Variants in IL23R observed in about 807,000 individuals in gnomAD.
IL23R encodes interleukin 23 receptor.
IL23R carries 34 observed loss-of-function variants against 56.9 expected under a neutral mutation model. That is an observed-to-expected ratio of 0.60 (90% CI 0.45 to 0.80). IL23R has a LOEUF of 0.80. Ranked by LOEUF, IL23R falls within the 30% of genes least tolerant of loss-of-function variation. IL23R has a pLI of 0.00. For missense variants in IL23R, 635 were observed against 730.0 expected (o/e 0.87, Z 1.50); for synonymous variants, 230 against 249.2 (o/e 0.92, Z 0.73).
At chr1:67,191,143 TC>T (rs1302574992) in intron 4 of IL23R, among the ~76,000 whole-genome samples, 1 of 152,138 alleles carries the variant, frequency 6.6e-6, no homozygotes, top group Non-Finnish European at 1.5e-5. Flanking sequence ...CACACAGTAA[TC>T]CTACTACATT....
intron 6 of IL23R, among the ~76,000 whole-genome samples, chr1:67,218,354 G>GTA (rs776016660): frequency 2.4e-4 from 31 of 128,518 alleles, no homozygotes; most frequent in African/African-American, 8.3e-4. Flanking sequence ...GTGTGTGTGT[G>GTA]TGTGTATATA....
intron 9 of IL23R, among the ~76,000 whole-genome samples, chr1:67,253,561 C>A (rs1290364477): frequency 6.6e-6 from 1 of 152,128 alleles, no homozygotes; most frequent in Non-Finnish European, 1.5e-5. Flanking sequence ...ATTATAAAGT[C>A]TACTAATGAT....
At position 67,255,941 on chromosome 1, in the gene IL23R, A is replaced by G; in HGVS notation, c.1239+14A>G. 1.3e-6 allele frequency: 2 copies of G among 1,501,552 alleles called. No individual in the cohort carries two copies. The highest frequency in any genetic ancestry group is 1.9e-6 in the Non-Finnish European group (2 of 1,078,000). The allele number at this position is 1,501,552 out of a possible 1,614,324, so 93.0% of individuals were successfully genotyped here. A position where few individuals can be genotyped will look rare whatever the true frequency, so the allele number is the denominator to read the frequency against. On this transcript the variant is annotated intron_variant, in intron 10 of 10. Transcript: ENST00000347310. Reference sequence around the variant, plus strand: ...AAAATGCTACAGGTAACCTAACATCATCCAACAAAAACTGAGTGGCAATTG... The same window carrying G: ...AAAATGCTACAGGTAACCTAACATCGTCCAACAAAAACTGAGTGGCAATTG...
intron 6 of IL23R, among the ~76,000 whole-genome samples, chr1:67,208,558 G>A (rs1166324185): frequency 6.6e-6 from 1 of 152,216 alleles, no homozygotes; most frequent in East Asian, 1.9e-4. Flanking sequence ...TTCAGAAGGT[G>A]GAAGCCCCAA....
At chr1:67,220,116 C>T (rs1650145196) in intron 7 of IL23R, among the ~76,000 whole-genome samples, 1 of 152,018 alleles carries the variant, frequency 6.6e-6, no homozygotes, top group Non-Finnish European at 1.5e-5. Context: ...TGTCTGTAAT[C>T]CCAGCACTTT....
chr1:67,249,090 C>A (rs986251467), intron 9 of IL23R, among the ~76,000 whole-genome samples: 3 of 152,226 alleles, frequency 2.0e-5, no homozygotes, highest in Admixed American at 1.3e-4. Context: ...GAGCTGCAGA[C>A]CAGACCTGTT....
chr1:67,158,398 A>G (rs1646788750), intron 1 of IL23R, among the ~76,000 whole-genome samples: 1 of 152,216 alleles, frequency 6.6e-6, no homozygotes, highest in Non-Finnish European at 1.5e-5. Flanking sequence ...CAGCAGCAGC[A>G]GAGATACTGC....
chr1:67,171,884 C>T (rs565088844), intron 3 of IL23R, among the ~76,000 whole-genome samples: 1 of 152,262 alleles, frequency 6.6e-6, no homozygotes, highest in Admixed American at 6.5e-5. Context: ...GCTGGGGGGC[C>T]TCTGTCCCCA....
chr1:67,220,378 T>A (rs1018354012), intron 7 of IL23R, among the ~76,000 whole-genome samples: 8 of 151,234 alleles, frequency 5.3e-5, no homozygotes, highest in African/African-American at 9.7e-5. Context: ...CAAAAAAAAA[T>A]AAAAATAAAA....
At chr1:67,243,840 G>T (rs1221648921) in intron 9 of IL23R, among the ~76,000 whole-genome samples, 1 of 152,128 alleles carries the variant, frequency 6.6e-6, no homozygotes, top group African/African-American at 2.4e-5. Context: ...TGGGATTGCT[G>T]GGTCAAATGG....
chr1:67,236,477 C>A (rs1368042463), intron 7 of IL23R, among the ~76,000 whole-genome samples: 1 of 152,198 alleles, frequency 6.6e-6, no homozygotes, highest in Admixed American at 6.5e-5. Flanking sequence ...GTTTTACAAC[C>A]TAGGTAGATT....
chr1:67,208,975 A>G (rs1649267181), intron 6 of IL23R, among the ~76,000 whole-genome samples: 2 of 152,134 alleles, frequency 1.3e-5, no homozygotes, highest in Admixed American at 6.6e-5. Context: ...ATGGGAACCC[A>G]CCTCTTTTAT....
At chr1:67,207,667 T>C in intron 6 of IL23R, 1 of 394,788 alleles carries the variant, frequency 2.5e-6, no homozygotes, top group Non-Finnish European at 4.9e-6. Context: ...CCTCCCACCA[T>C]GATTCTGAGG....
chr1:67,167,948 C>A, intron 1 of IL23R, 144 bp from the exon 2 acceptor site: 1 of 571,656 alleles, frequency 1.7e-6, no homozygotes, highest in Admixed American at 2.9e-5. Flanking sequence ...TGTTTCCTTC[C>A]TTCCTTTCTT....
chr1:67,226,611 G>C (rs1650636676), intron 7 of IL23R, among the ~76,000 whole-genome samples: 1 of 152,186 alleles, frequency 6.6e-6, no homozygotes, highest in Non-Finnish European at 1.5e-5. Flanking sequence ...TGAGGGTACA[G>C]GATAGCGGGG....
intron 6 of IL23R, chr1:67,207,670 T>C (rs1378154909): frequency 2.6e-6 from 1 of 387,088 alleles, no homozygotes. Context: ...CCCACCATGA[T>C]TCTGAGGCCT....
chr1:67,179,405 C>A (rs1281565894), intron 3 of IL23R, among the ~76,000 whole-genome samples: 2 of 152,078 alleles, frequency 1.3e-5, no homozygotes, highest in South Asian at 2.1e-4. Flanking sequence ...TTATTTGCAT[C>A]AAGGTGTTTA....
At chr1:67,260,792 G>T (rs1653179920), downstream of IL23R, among the ~76,000 whole-genome samples, 1 of 152,230 alleles carries the variant, frequency 6.6e-6, no homozygotes, top group Non-Finnish European at 1.5e-5. Flanking sequence ...AGCTACTCAG[G>T]AGGCTGAGGC....
At chr1:67,264,080 C>T (rs1653282060), downstream of IL23R, among the ~76,000 whole-genome samples, 1 of 152,178 alleles carries the variant, frequency 6.6e-6, no homozygotes. Context: ...CTTGAGAAGC[C>T]TGTGCTTTAG....
Sources: allele counts gnomAD v4.1 joint callset (sites outside exome capture counted in the v4.1 genomes callset), GRCh38; gene constraint gnomAD v4.1.1; transcripts MANE v1.5; gene names NCBI Gene and HGNC (gene_info 2026-07-23, HGNC 2026-07-21).